The following PRICKLE1 variants were observed in gnomAD, a reference collection of about 807,000 sequenced individuals.
PRICKLE1 encodes prickle planar cell polarity protein 1.
A neutral mutation model predicts 70.2 loss-of-function variants in PRICKLE1; 14 were observed. The ratio of observed to expected loss-of-function variants is 0.20; its 90% CI spans 0.13 to 0.31. The LOEUF is 0.31. Ranked by LOEUF, PRICKLE1 falls within the 10% of genes least tolerant of loss-of-function variation. The pLI is 1.00. For missense variants in PRICKLE1, 821 were observed against 1,026.2 expected (o/e 0.80, Z 2.73); for synonymous variants, 357 against 379.9 (o/e 0.94, Z 0.70).
intron 1 of PRICKLE1, among the ~76,000 whole-genome samples, chr12:42,512,793 C>T (rs1401701146): frequency 6.6e-6 from 1 of 151,700 alleles, no homozygotes; most frequent in Non-Finnish European, 1.5e-5. Context: ...AAGCAGCTGG[C>T]ATTACAGGCA....
intron 1 of PRICKLE1, among the ~76,000 whole-genome samples, chr12:42,484,843 C>T (rs1938943617): frequency 6.6e-6 from 1 of 152,170 alleles, no homozygotes; most frequent in Non-Finnish European, 1.5e-5. Flanking sequence ...GATTAGTACT[C>T]ATCAGTAGAG....
intron 1 of PRICKLE1, among the ~76,000 whole-genome samples, chr12:42,502,240 T>TAC (rs3086543): frequency 2.0e-5 from 3 of 150,606 alleles, no homozygotes; most frequent in African/African-American, 7.4e-5. Context: ...TATACCTCTA[T>TAC]ATATATACAC....
chr12:42,504,139 C>T (rs1490528401), intron 1 of PRICKLE1, among the ~76,000 whole-genome samples: 1 of 152,044 alleles, frequency 6.6e-6, no homozygotes, highest in East Asian at 1.9e-4. Flanking sequence ...GAGGAAAATT[C>T]TGTATCATAA....
intron 1 of PRICKLE1, among the ~76,000 whole-genome samples, chr12:42,574,207 A>G (rs1435319475): frequency 5.9e-5 from 9 of 152,214 alleles, no homozygotes; most frequent in Admixed American, 5.9e-4. Context: ...TTCATTATTT[A>G]CCTGAAATTC....
intron 1 of PRICKLE1, among the ~76,000 whole-genome samples, chr12:42,492,099 A>T (rs34862426): frequency 0.044 from 5,926 of 134,646 alleles, 133 homozygotes; most frequent in South Asian, 0.091. Flanking sequence ...CATCTTAAAT[A>T]AAAAAAAAAA....
At chr12:42,576,690 G>T (rs1382498269) in intron 1 of PRICKLE1, among the ~76,000 whole-genome samples, 1 of 152,138 alleles carries the variant, frequency 6.6e-6, no homozygotes, top group Non-Finnish European at 1.5e-5. Context: ...TCACTGCTGT[G>T]TTCATCTGAA....
intron 1 of PRICKLE1, among the ~76,000 whole-genome samples, chr12:42,566,855 C>T (rs550889194): frequency 2.0e-5 from 3 of 152,130 alleles, no homozygotes; most frequent in African/African-American, 4.8e-5. Flanking sequence ...ATTTAATCTG[C>T]TCATCAAAGA....
At chr12:42,563,384 C>T (rs1940553320) in intron 1 of PRICKLE1, among the ~76,000 whole-genome samples, 1 of 151,228 alleles carries the variant, frequency 6.6e-6, no homozygotes, top group Non-Finnish European at 1.5e-5. Context: ...ATGAATGTTG[C>T]ACAATATTGG....
intron 1 of PRICKLE1, among the ~76,000 whole-genome samples, chr12:42,515,231 G>A (rs1051552838): frequency 6.9e-6 from 1 of 145,496 alleles, no homozygotes; most frequent in Admixed American, 7.5e-5. Context: ...TGGCTCTAAG[G>A]CATTATCTAT....
intron 1 of PRICKLE1, among the ~76,000 whole-genome samples, chr12:42,494,994 A>C (rs530489179): frequency 6.6e-6 from 1 of 151,206 alleles, no homozygotes; most frequent in South Asian, 2.1e-4. Context: ...TCCTGGGCTC[A>C]AGCAATCCTC....
chr12:42,479,043 G>C (rs1052550921), intron 1 of PRICKLE1, among the ~76,000 whole-genome samples: 4 of 152,154 alleles, frequency 2.6e-5, no homozygotes, highest in African/African-American at 9.7e-5. Flanking sequence ...CTTGAGACCT[G>C]ATTTTAAAAA....
At chr12:42,530,718 T>C (rs114684356) in intron 1 of PRICKLE1, among the ~76,000 whole-genome samples, 6 of 122,704 alleles carry the variant, frequency 4.9e-5, no homozygotes, top group Admixed American at 1.0e-4. Context: ...AGAGTCTCAC[T>C]GTTGTCAGCC....
chr12:42,545,760 G>C (rs1940196056), intron 1 of PRICKLE1, among the ~76,000 whole-genome samples: 1 of 151,908 alleles, frequency 6.6e-6, no homozygotes, highest in South Asian at 2.1e-4. Flanking sequence ...TGAGGCAGGA[G>C]AATCGCTTGA....
At chr12:42,493,061 A>C (rs1217541343) in intron 1 of PRICKLE1, among the ~76,000 whole-genome samples, 1 of 151,944 alleles carries the variant, frequency 6.6e-6, no homozygotes, top group African/African-American at 2.4e-5. Flanking sequence ...TTTTATTTGG[A>C]TTTTTAAAAG....
intron 1 of PRICKLE1, among the ~76,000 whole-genome samples, chr12:42,502,905 A>G (rs1939340724): frequency 6.6e-6 from 1 of 152,186 alleles, no homozygotes; most frequent in East Asian, 1.9e-4. Flanking sequence ...AGCTTCCAAG[A>G]AGAGTATGCA....
chr12:42,490,055 C>CA (rs1465719533), intron 1 of PRICKLE1: 22 of 152,064 alleles, frequency 1.4e-4, no homozygotes, highest in Admixed American at 1.4e-3. Context: ...GAAAAATACA[C>CA]AAAAAAGTGA....
intron 1 of PRICKLE1, among the ~76,000 whole-genome samples, chr12:42,558,514 T>C (rs1224520057): frequency 6.6e-6 from 1 of 152,226 alleles, no homozygotes; most frequent in Non-Finnish European, 1.5e-5. Flanking sequence ...TCCGATGCTG[T>C]TGTGGAAAAT....
chr12:42,546,624 T>C (rs545183656), intron 1 of PRICKLE1, among the ~76,000 whole-genome samples: 56 of 152,230 alleles, frequency 3.7e-4, no homozygotes, highest in Non-Finnish European at 6.9e-4. Flanking sequence ...TGTGGTGGCA[T>C]GTGCCTGTAA....
In PRICKLE1 at chr12:42,469,389, C is replaced by T. The variant is rs183358832; in HGVS notation, c.384+61G>A. ...CTCTGCTAGTCCAGTCACCTACCCC[C>T]GACTGTCCACCCCATCCACATCACT... On this transcript the variant is annotated intron_variant, in intron 4 of 7. Transcript: ENST00000345127. 1,306 of 1,604,640 alleles carry T rather than the reference C, an allele frequency of 8.1e-4. 10 individuals are homozygous for T. In the African/African-American group the frequency reaches 0.015, roughly 19 times the overall value.
Sources: allele counts gnomAD v4.1 joint callset (sites outside exome capture counted in the v4.1 genomes callset), GRCh38; gene constraint gnomAD v4.1.1; transcripts MANE v1.5; gene names NCBI Gene and HGNC (gene_info 2026-07-23, HGNC 2026-07-21).